BEND7: variants seen among roughly 807,000 people sequenced by gnomAD.
BEND7 encodes BEN domain containing 7, also known as BEN domain-containing protein 7.
BEND7 carries 28 observed loss-of-function variants against 50.9 expected under a neutral mutation model. The observed-to-expected ratio is 0.55, with a 90% confidence interval of 0.41 to 0.75. BEND7 has a LOEUF of 0.75. Ranked by LOEUF, BEND7 falls within the 30% of genes least tolerant of loss-of-function variation. The probability of loss-of-function intolerance (pLI) is 0.00; values close to 1 mark genes in which losing one functional copy is unlikely to be tolerated. For missense variants in BEND7, 477 were observed against 491.3 expected (o/e 0.97, Z 0.28); for synonymous variants, 170 against 183.9 (o/e 0.92, Z 0.61).
chr10:13,497,659 G>C lies in BEND7; in HGVS notation c.449-771C>G, dbSNP rs1401514389. Among the ~76,000 whole-genome samples the C allele has an allele frequency of 2.0e-5, 3 of 152,136 alleles. No individual in the cohort carries two copies. In the East Asian group the frequency reaches 5.8e-4, roughly 29 times the overall value. On this transcript the variant is annotated intron_variant, in intron 3 of 8. Transcript: ENST00000466271. ...CTTATTCTGTTTCTCTCATAGGTAAGCAAGTATCTTCTATTGTCCTTAGAA... is the reference window on the plus strand; with the variant it reads ...CTTATTCTGTTTCTCTCATAGGTAACCAAGTATCTTCTATTGTCCTTAGAA...
intron 8 of BEND7, chr10:13,444,824 CTTT>C (rs889158445): frequency 6.6e-6 from 1 of 152,030 alleles, no homozygotes; most frequent in African/African-American, 2.4e-5. Flanking sequence ...TCTTTTCCTT[CTTT>C]TTTTTGAGAC....
At chr10:13,469,365 CA>C (rs5783325) in intron 6 of BEND7, among the ~76,000 whole-genome samples, 110,850 of 152,062 alleles carry the variant, frequency 0.73, 40,908 homozygotes, top group East Asian at 0.88. Context: ...ACGCCTCTCT[CA>C]TGCTAAGGGT....
chr10:13,476,988 A>G, intron 6 of BEND7, among the ~76,000 whole-genome samples: 1 of 152,378 alleles, frequency 6.6e-6, no homozygotes. Flanking sequence ...TGTAAAAAAT[A>G]CAATCTCTAC....
chr10:13,478,875 T>C (rs2075653949), intron 6 of BEND7, among the ~76,000 whole-genome samples: 1 of 152,144 alleles, frequency 6.6e-6, no homozygotes, highest in South Asian at 2.1e-4. Flanking sequence ...ATAATAAAAG[T>C]GTATGGGAAT....
chr10:13,501,168 AG>A (rs1255779740), intron 2 of BEND7, among the ~76,000 whole-genome samples: 1 of 152,064 alleles, frequency 6.6e-6, no homozygotes, highest in African/African-American at 2.4e-5. Flanking sequence ...TGAGGTCGGG[AG>A]TTCGAGACCA....
chr10:13,518,272 T>C lies in BEND7; in HGVS notation c.145+7866A>G, dbSNP rs968077311. On this transcript the variant is annotated intron_variant, in intron 2 of 8. Coordinates refer to ENST00000466271, the MANE Select transcript of BEND7 (RefSeq NM_001369863.1). ...TTCCCCAGGACAGCTGCTGCCCCCA[T>C]GCGGGCCGTGGCGAGCAGGCTGCAG... 2.0e-5 allele frequency among the ~76,000 whole-genome samples: 3 copies of C among 150,050 alleles called. No individual in the cohort carries two copies. The South Asian group carries it at 6.5e-4, about 32-fold the overall frequency.
chr10:13,519,909 G>C (rs1266080461), intron 2 of BEND7, among the ~76,000 whole-genome samples: 1 of 152,234 alleles, frequency 6.6e-6, no homozygotes, highest in African/African-American at 2.4e-5. Context: ...GCAGAGATGA[G>C]AATGGGAAGG....
downstream of BEND7, among the ~76,000 whole-genome samples, chr10:13,440,504 G>A (rs1835184333): frequency 6.6e-6 from 1 of 152,216 alleles, no homozygotes. Context: ...GCTGTCCCAG[G>A]CCCCTGTAAA....
At chr10:13,528,042 GAAC>G (rs1481548996) in intron 1 of BEND7, among the ~76,000 whole-genome samples, 3 of 152,140 alleles carry the variant, frequency 2.0e-5, no homozygotes, top group Non-Finnish European at 4.4e-5. Context: ...TTCTTAAAAA[GAAC>G]AACAACGGTC....
chr10:13,497,815 C>G (rs2077132181), intron 3 of BEND7, among the ~76,000 whole-genome samples: 1 of 152,124 alleles, frequency 6.6e-6, no homozygotes, highest in Non-Finnish European at 1.5e-5. Context: ...AAGGTAAGTT[C>G]CATGGTTTTG....
intron 6 of BEND7, among the ~76,000 whole-genome samples, chr10:13,466,830 T>C (rs991250383): frequency 2.6e-5 from 4 of 152,168 alleles, no homozygotes; most frequent in South Asian, 2.1e-4. Flanking sequence ...TTTTTCAGTA[T>C]ATGAATTTTC....
intron 6 of BEND7, among the ~76,000 whole-genome samples, chr10:13,478,220 G>A (rs933832415): frequency 6.6e-6 from 1 of 152,180 alleles, no homozygotes; most frequent in Non-Finnish European, 1.5e-5. Context: ...TGTGATCAGA[G>A]TTAATTCCCC....
intron 2 of BEND7, among the ~76,000 whole-genome samples, chr10:13,524,991 C>T (rs7904423): frequency 0.45 from 68,758 of 152,132 alleles, 16,173 homozygotes; most frequent in African/African-American, 0.55. Flanking sequence ...GAGATCCTGG[C>T]GAGAGCTTCG....
chr10:13,498,787 G>A (rs2077224133), intron 3 of BEND7, among the ~76,000 whole-genome samples: 1 of 152,170 alleles, frequency 6.6e-6, no homozygotes, highest in African/African-American at 2.4e-5. Context: ...AGGCATGCCA[G>A]CATTGGAACT....
chr10:13,473,117 A>C (rs11258403), intron 6 of BEND7, among the ~76,000 whole-genome samples: 85,458 of 151,386 alleles, frequency 0.56, 24,466 homozygotes, highest in East Asian at 0.76. Flanking sequence ...GGGGTCAATA[A>C]CCATCATCAC....
At chr10:13,505,890 A>G (rs954410259) in intron 2 of BEND7, among the ~76,000 whole-genome samples, 1 of 152,240 alleles carries the variant, frequency 6.6e-6, no homozygotes, top group African/African-American at 2.4e-5. Flanking sequence ...AAGTAATTAA[A>G]AAAACCCTGC....
intron 2 of BEND7, among the ~76,000 whole-genome samples, chr10:13,520,039 G>C (rs537807980): frequency 6.6e-6 from 1 of 152,274 alleles, no homozygotes; most frequent in East Asian, 1.9e-4. Context: ...AGAGAGAGGA[G>C]AGCGGGGCCT....
intron 5 of BEND7, among the ~76,000 whole-genome samples, chr10:13,483,061 A>G (rs190466150): frequency 9.5e-4 from 144 of 152,162 alleles, no homozygotes; most frequent in Non-Finnish European, 1.8e-3. Flanking sequence ...AGCCATTAAA[A>G]CAAATCCAAG....
chr10:13,472,013 CACT>C (rs1477293461), intron 6 of BEND7, among the ~76,000 whole-genome samples: 1 of 151,864 alleles, frequency 6.6e-6, no homozygotes. Flanking sequence ...TACCCGTCAC[CACT>C]GTTAGACTCG....
Sources: gnomAD v4.1 joint callset for allele counts (sites outside exome capture counted in the v4.1 genomes callset) on GRCh38, gnomAD v4.1.1 for gene constraint, MANE v1.5 for transcripts, NCBI Gene and HGNC (gene_info 2026-07-23, HGNC 2026-07-21) for gene names.